The following CELF4 variants were observed in gnomAD, a reference collection of about 807,000 sequenced individuals.
The protein encoded by CELF4 is CUGBP Elav-like family member 4.
Under a neutral mutation model 59.9 loss-of-function variants are expected in CELF4, and 18 were observed. The ratio of observed to expected loss-of-function variants is 0.30; its 90% CI spans 0.21 to 0.45. The LOEUF (loss-of-function observed/expected upper bound fraction) is 0.45, where lower values mean the gene tolerates loss of function less well. Among genes scored for constraint, CELF4 ranks in the 20% least tolerant of loss-of-function variants. CELF4 has a pLI of 1.00. For missense variants in CELF4, 456 were observed against 689.0 expected (o/e 0.66, Z 3.79); for synonymous variants, 261 against 267.1 (o/e 0.98, Z 0.22).
chr18:37,298,720 A>G (rs1474501218), intron 3 of CELF4, among the ~76,000 whole-genome samples: 5 of 113,158 alleles, frequency 4.4e-5, no homozygotes, highest in African/African-American at 2.1e-4. Context: ...GTGAGACTCT[A>G]TCTCAAAAAA....
chr18:37,275,005 A>G (rs1480406669), intron 4 of CELF4, 110 bp downstream of exon 4: 2 of 1,536,958 alleles, frequency 1.3e-6, no homozygotes, highest in Non-Finnish European at 1.8e-6. Flanking sequence ...AGAGACACCA[A>G]GAAGCCCAGA....
intron 2 of CELF4, among the ~76,000 whole-genome samples, chr18:37,425,554 A>G (rs575458984): frequency 6.6e-6 from 1 of 152,364 alleles, no homozygotes; most frequent in South Asian, 2.1e-4. Flanking sequence ...TAAAAAACAT[A>G]AAAGAACGAA....
chr18:37,428,255 A>G (rs2099626393), intron 2 of CELF4, among the ~76,000 whole-genome samples: 1 of 152,208 alleles, frequency 6.6e-6, no homozygotes, highest in South Asian at 2.1e-4. Context: ...AGAGGAAAGT[A>G]AAAGATTTGG....
At chr18:37,427,040 G>T (rs5824062) in intron 2 of CELF4, among the ~76,000 whole-genome samples, 11,181 of 146,590 alleles carry the variant, frequency 0.076, 489 homozygotes, top group African/African-American at 0.12. Context: ...AGGGACACGG[G>T]GGGGGGGGAA....
chr18:37,424,972 A>G (rs2099602757), intron 2 of CELF4, among the ~76,000 whole-genome samples: 1 of 151,874 alleles, frequency 6.6e-6, no homozygotes, highest in Admixed American at 6.6e-5. Context: ...CTCTCGCCCC[A>G]CCCGCACAGT....
intron 2 of CELF4, among the ~76,000 whole-genome samples, chr18:37,430,065 C>T (rs1037756787): frequency 5.9e-5 from 9 of 152,216 alleles, no homozygotes; most frequent in Admixed American, 6.5e-5. Context: ...CAGTGCGGCT[C>T]TCACTGCCCA....
At chr18:37,536,457 GC>G (rs1481134662) in intron 1 of CELF4, among the ~76,000 whole-genome samples, 3 of 152,330 alleles carry the variant, frequency 2.0e-5, no homozygotes, top group Middle Eastern at 3.4e-3. Flanking sequence ...CTGAGCAACA[GC>G]CATCTTCTCA....
intron 2 of CELF4, among the ~76,000 whole-genome samples, chr18:37,410,184 TGCCTCCCTGGCA>T: frequency 6.6e-6 from 1 of 152,278 alleles, no homozygotes; most frequent in South Asian, 2.1e-4. Context: ...CCCCCGCCCC[TGCCTCCCTGGCA>T]GCCTAGGCTT....
intron 11 of CELF4, among the ~76,000 whole-genome samples, chr18:37,256,020 G>A (rs1420579728): frequency 4.6e-5 from 7 of 152,210 alleles, no homozygotes; most frequent in African/African-American, 1.7e-4. Context: ...TTCTTCCCTT[G>A]AACTGTTAGT....
In CELF4 at chr18:37,274,292, C is replaced by G. The variant is rs759107527; in HGVS notation, c.801+19G>C. 1.9e-6 allele frequency: 3 copies of G among 1,609,864 alleles called. No individual in the cohort carries two copies. The highest frequency in any genetic ancestry group is 2.2e-5 in the South Asian group (2 of 90,770). ...GGGAGTGAGCTTGAGAACCGCTGCC[C>G]GTGCGCGCTGCCACTTACTGCCTGA... On this transcript the variant is annotated intron_variant, in intron 6 of 12. Coordinates refer to ENST00000420428, the MANE Select transcript of CELF4 (RefSeq NM_020180.4).
intron 3 of CELF4, among the ~76,000 whole-genome samples, chr18:37,289,761 C>T (rs2095190369): frequency 6.6e-6 from 1 of 152,174 alleles, no homozygotes; most frequent in African/African-American, 2.4e-5. Flanking sequence ...TGGAAGCTCC[C>T]CCAGGCAGTA....
chr18:37,303,171 T>C (rs72883660), intron 3 of CELF4, among the ~76,000 whole-genome samples: 26,903 of 152,098 alleles, frequency 0.18, 2,878 homozygotes, highest in Middle Eastern at 0.25. Context: ...GCTAGAGGCA[T>C]GACAGAAGTG....
intron 2 of CELF4, among the ~76,000 whole-genome samples, chr18:37,465,950 C>T (rs568876770): frequency 6.6e-6 from 1 of 152,250 alleles, no homozygotes; most frequent in East Asian, 1.9e-4. Context: ...GGAATCTGGG[C>T]TTTGTTTGAT....
At chr18:37,463,900 C>T (rs1264949260) in intron 2 of CELF4, among the ~76,000 whole-genome samples, 1 of 152,128 alleles carries the variant, frequency 6.6e-6, no homozygotes, top group Admixed American at 6.5e-5. Context: ...CTGGCAGGGC[C>T]ATCCAGGGCT....
intron 1 of CELF4, among the ~76,000 whole-genome samples, chr18:37,533,625 C>T (rs941187276): frequency 6.6e-6 from 1 of 152,212 alleles, no homozygotes; most frequent in Non-Finnish European, 1.5e-5. Context: ...GGTGAGCAAA[C>T]ACAGCACATT....
intron 1 of CELF4, among the ~76,000 whole-genome samples, chr18:37,548,909 G>T (rs2099982280): frequency 6.6e-6 from 1 of 152,196 alleles, no homozygotes; most frequent in Non-Finnish European, 1.5e-5. Flanking sequence ...CCACCCCCAG[G>T]AGCCCTGCAA....
intron 2 of CELF4, among the ~76,000 whole-genome samples, chr18:37,347,644 C>T (rs568577110): frequency 9.9e-5 from 15 of 152,262 alleles, no homozygotes; most frequent in Admixed American, 7.2e-4. Context: ...CACATGTCTG[C>T]GGGCATCAAG....
chr18:37,539,935 A>C (rs1053123199), intron 1 of CELF4, among the ~76,000 whole-genome samples: 2 of 152,232 alleles, frequency 1.3e-5, no homozygotes, highest in Non-Finnish European at 2.9e-5. Flanking sequence ...GGCCTGGCAC[A>C]TTAGAGAGCT....
chr18:37,349,677 C>T (rs1231606602), intron 2 of CELF4, among the ~76,000 whole-genome samples: 1 of 152,196 alleles, frequency 6.6e-6, no homozygotes, highest in Non-Finnish European at 1.5e-5. Flanking sequence ...AAGACCCAGA[C>T]AGCAGCGTGG....
Sources: allele counts gnomAD v4.1 joint callset (sites outside exome capture counted in the v4.1 genomes callset), GRCh38; gene constraint gnomAD v4.1.1; transcripts MANE v1.5; gene names NCBI Gene and HGNC (gene_info 2026-07-23, HGNC 2026-07-21).